The following NAT1 variants were observed in gnomAD, a reference collection of about 807,000 sequenced individuals.
NAT1 encodes N-acetyltransferase 1, also known as arylamine N-acetyltransferase 1.
For missense variants in NAT1, 400 were observed against 339.2 expected (o/e 1.18, Z -1.41); for synonymous variants, 144 against 122.6 (o/e 1.17, Z -1.16).
upstream of NAT1, among the ~76,000 whole-genome samples, chr8:18,207,719 G>A (rs527651378): frequency 6.6e-6 from 1 of 152,196 alleles, no homozygotes; most frequent in Non-Finnish European, 1.5e-5. Flanking sequence ...ATTCCTCAAA[G>A]TCCTAGAATC....
At chr8:18,215,822 G>T (rs1446212629) in intron 1 of NAT1, among the ~76,000 whole-genome samples, 1 of 152,122 alleles carries the variant, frequency 6.6e-6, no homozygotes, top group Non-Finnish European at 1.5e-5. Flanking sequence ...ATGTCCAGCT[G>T]GGGTTGGTGT....
rs189038159 is a variant in NAT1, at chr8:18,211,057, G to A, written c.-86+877G>A. ...TGACCTCAAGTGATCCACCTGCCTC[G>A]GCCTCCCAAAGTGCTGGGATTACAG... On this transcript the variant is annotated intron_variant, in intron 1 of 2. Coordinates refer to ENST00000307719, the MANE Select transcript of NAT1 (RefSeq NM_000662.8). 792 of 152,426 alleles carry A rather than the reference G, an allele frequency of 5.2e-3. 10 individuals carry two copies. The highest frequency in any genetic ancestry group is 0.03 in the South Asian group (143 of 4,826). The allele number at this position is 152,426 out of a possible 1,614,324, so 9.4% of individuals were successfully genotyped here.
chr8:18,202,763 CAA>C (rs1803522641), intron 2 of NAT1, among the ~76,000 whole-genome samples: 1 of 152,086 alleles, frequency 6.6e-6, no homozygotes, highest in Non-Finnish European at 1.5e-5. Flanking sequence ...AGTGAGGACC[CAA>C]AGAGTGAGGA....
At chr8:18,219,097 C>T (rs953811703) in intron 1 of NAT1, among the ~76,000 whole-genome samples, 1 of 152,104 alleles carries the variant, frequency 6.6e-6, no homozygotes. Flanking sequence ...TTGGTTCACC[C>T]TTCCTTGCTG....
At chr8:18,196,921 T>G (rs1290560753) in intron 2 of NAT1, among the ~76,000 whole-genome samples, 2 of 152,194 alleles carry the variant, frequency 1.3e-5, no homozygotes, top group Non-Finnish European at 2.9e-5. Flanking sequence ...CTCACACTGC[T>G]ATAAAGAGTA....
chr8:18,216,888 AG>A (rs1563190451), intron 1 of NAT1: 1 of 1,548,568 alleles, frequency 6.5e-7, no homozygotes, highest in Non-Finnish European at 8.7e-7. Flanking sequence ...CGTGTACAGA[AG>A]GGCCATGCTG....
chr8:18,217,170 C>T (rs1168450372), intron 1 of NAT1, among the ~76,000 whole-genome samples: 1 of 152,186 alleles, frequency 6.6e-6, no homozygotes, highest in Non-Finnish European at 1.5e-5. Context: ...TTTAGGTATG[C>T]ATATGGAGGG....
chr8:18,172,885 G>A (rs563768193), intron 2 of NAT1, among the ~76,000 whole-genome samples: 12 of 152,178 alleles, frequency 7.9e-5, no homozygotes, highest in African/African-American at 2.6e-4. Context: ...CACCTGCCAG[G>A]GAGACTTTCT....
intron 2 of NAT1, among the ~76,000 whole-genome samples, chr8:18,203,507 C>T (rs530111933): frequency 6.6e-5 from 10 of 152,278 alleles, no homozygotes; most frequent in African/African-American, 2.4e-4. Context: ...TTTGACTTTT[C>T]TGTGAGCTTA....
At chr8:18,216,807 G>T in intron 1 of NAT1, 7 of 871,610 alleles carry the variant, frequency 8.0e-6, no homozygotes, top group East Asian at 2.8e-5. Context: ...ATTTAGAAGG[G>T]TCTCAATAGG....
intron 2 of NAT1, among the ~76,000 whole-genome samples, chr8:18,193,236 C>T (rs1803088793): frequency 6.7e-6 from 1 of 150,000 alleles, no homozygotes; most frequent in African/African-American, 2.4e-5. Context: ...TGCCACCACA[C>T]CTGGCTAATT....
At chr8:18,217,036 A>C in intron 1 of NAT1, 2 of 1,329,852 alleles carry the variant, frequency 1.5e-6, no homozygotes, top group Non-Finnish European at 2.1e-6. Flanking sequence ...CGCATACAAA[A>C]AGGGAGAAAG....
Position 18,223,621 on chromosome 8 carries a change from G to A in NAT1, c.*701G>A, listed in dbSNP as rs1805573750. The A allele has an allele frequency of 6.0e-6, 1 of 166,758 alleles. No individual in the cohort carries two copies. Among genetic ancestry groups the A allele is most frequent in the Non-Finnish European group, 1.5e-5 (1 of 68,090 alleles). 10.3% of individuals were successfully genotyped at this position (166,758 alleles called of 1,614,324 possible). On this transcript the variant is annotated 3_prime_UTR_variant, in exon 3 of 3. Coordinates refer to ENST00000307719, the MANE Select transcript of NAT1 (RefSeq NM_000662.8). ...TTTGTTATATGGATCAAGTAATAACGTCAGTAATGTTTTTGGTACAAAGTC... is the reference window on the plus strand; with the variant it reads ...TTTGTTATATGGATCAAGTAATAACATCAGTAATGTTTTTGGTACAAAGTC...
At chr8:18,193,718 TA>T (rs1295305970) in intron 2 of NAT1, among the ~76,000 whole-genome samples, 1 of 130,686 alleles carries the variant, frequency 7.7e-6, no homozygotes, top group Non-Finnish European at 1.6e-5. Flanking sequence ...CTCAGCTCAC[TA>T]CAACCTCCGC....
chr8:18,210,659 G>A (rs1337710446), intron 1 of NAT1, among the ~76,000 whole-genome samples: 1 of 152,212 alleles, frequency 6.6e-6, no homozygotes, highest in East Asian at 1.9e-4. Flanking sequence ...CCTACAGGCA[G>A]CAAGCTCGTA....
chr8:18,219,199 C>CT (rs1805019787), intron 1 of NAT1, among the ~76,000 whole-genome samples: 1 of 152,084 alleles, frequency 6.6e-6, no homozygotes, highest in African/African-American at 2.4e-5. Flanking sequence ...GTTTTTAAGC[C>CT]AGAAGGCTGT....
At position 18,223,039 on chromosome 8, in the gene NAT1, C is replaced by A. The variant is rs1486168580; in HGVS notation, c.*119C>A. 5.9e-6 allele frequency: 4 copies of A among 680,446 alleles called. No homozygotes were observed. The highest frequency in any genetic ancestry group is 8.5e-6 in the Non-Finnish European group (4 of 470,538). The allele number at this position is 680,446 out of a possible 1,614,324, so 42.2% of individuals were successfully genotyped here. ...TTGAAGAAAATCCTAGACATCAAAT[C>A]ATTTCACCTATAAAAATGTCATCAT... On this transcript the variant is annotated 3_prime_UTR_variant, in exon 3 of 3. Coordinates refer to ENST00000307719, the MANE Select transcript of NAT1 (RefSeq NM_000662.8).
chr8:18,213,971 G>A (rs1447896089), intron 1 of NAT1, among the ~76,000 whole-genome samples: 2 of 152,044 alleles, frequency 1.3e-5, no homozygotes, highest in Non-Finnish European at 2.9e-5. Flanking sequence ...CTGCCATTGT[G>A]CCTGGCTAAC....
At chr8:18,192,010 G>C (rs1204780536) in intron 2 of NAT1, among the ~76,000 whole-genome samples, 5 of 151,650 alleles carry the variant, frequency 3.3e-5, no homozygotes, top group African/African-American at 9.7e-5. Context: ...AAACTAAAGA[G>C]CTTCTGCACA....
Sources: allele counts gnomAD v4.1 joint callset (sites outside exome capture counted in the v4.1 genomes callset), GRCh38; gene constraint gnomAD v4.1.1; transcripts MANE v1.5; gene names NCBI Gene and HGNC (gene_info 2026-07-23, HGNC 2026-07-21).